The following LPCAT1 variants were observed in gnomAD, a reference collection of about 807,000 sequenced individuals.
LPCAT1 encodes lysophosphatidylcholine acyltransferase 1.
LPCAT1 carries 23 observed loss-of-function variants against 60.9 expected under a neutral mutation model. The ratio of observed to expected loss-of-function variants is 0.38; its 90% CI spans 0.27 to 0.53. The LOEUF (loss-of-function observed/expected upper bound fraction) is 0.53, where lower values mean the gene tolerates loss of function less well. LPCAT1 is among the 20% of genes least tolerant of loss of function. The pLI, the probability that LPCAT1 is intolerant of heterozygous loss-of-function variation, is 0.82. For synonymous variants in LPCAT1, 340 were observed against 301.1 expected, an observed-to-expected ratio of 1.13 and a Z score of -1.34; for missense variants, 622 against 723.6, an observed-to-expected ratio of 0.86 and a Z score of 1.61.
intron 13 of LPCAT1, 146 bp from the exon 14 acceptor site, chr5:1,463,981 G>T (rs547288850): frequency 2.4e-6 from 2 of 832,518 alleles, no homozygotes; most frequent in African/African-American, 1.7e-5. Flanking sequence ...ATGCTTTCAG[G>T]GTGGAGAGAA....
chr5:1,478,898 C>G (rs977521213), intron 8 of LPCAT1, among the ~76,000 whole-genome samples: 1 of 152,298 alleles, frequency 6.6e-6, no homozygotes, highest in Middle Eastern at 3.4e-3. Context: ...ACTATTTAGC[C>G]CAAGGTCTTG....
chr5:1,481,832 T>G lies in LPCAT1; in HGVS notation c.727-856A>C, dbSNP rs1190297393. Among the ~76,000 whole-genome samples, 2 of 152,222 alleles carry G rather than the reference T, an allele frequency of 1.3e-5. No individual in the cohort carries two copies. Among genetic ancestry groups the G allele is most frequent in the Non-Finnish European group, 2.9e-5 (2 of 68,030 alleles). On this transcript the variant is annotated intron_variant, in intron 6 of 13. Coordinates refer to ENST00000283415, the MANE Select transcript of LPCAT1 (RefSeq NM_024830.5). The surrounding 1 kb of genome is among the most constrained non-coding windows in gnomAD (Gnocchi z 7.8). ...TAAGAAGGAAGAGGTCTTTCAGTCG[T>G]GTGACTACCGGCCCTGACTCCATTT...
chr5:1,500,133 G>A (rs1174191087), intron 2 of LPCAT1, among the ~76,000 whole-genome samples: 1 of 152,258 alleles, frequency 6.6e-6, no homozygotes, highest in Non-Finnish European at 1.5e-5. Flanking sequence ...TCAGGCAGCA[G>A]CCTCCAATTA....
intron 1 of LPCAT1, among the ~76,000 whole-genome samples, chr5:1,519,870 C>T (rs1017420004): frequency 6.6e-6 from 1 of 152,260 alleles, no homozygotes; most frequent in African/African-American, 2.4e-5. Context: ...CCTTCTCCAT[C>T]CTCCCCAAGG....
chr5:1,466,066 G>T (rs999515679), intron 13 of LPCAT1, among the ~76,000 whole-genome samples: 1 of 152,254 alleles, frequency 6.6e-6, no homozygotes, highest in Non-Finnish European at 1.5e-5. Flanking sequence ...TGGGGATTGC[G>T]GCATCCACTG....
intron 2 of LPCAT1, 42 bp from the exon 3 acceptor site, chr5:1,494,956 G>T: frequency 6.6e-7 from 1 of 1,525,706 alleles, no homozygotes; most frequent in Non-Finnish European, 8.9e-7. Flanking sequence ...CACGTCCGCA[G>T]TCTCGGAGTC....
chr5:1,511,992 C>A (rs573861449), intron 1 of LPCAT1, among the ~76,000 whole-genome samples: 7 of 152,292 alleles, frequency 4.6e-5, no homozygotes, highest in African/African-American at 1.7e-4. Flanking sequence ...CCGGTCTCAG[C>A]GGGTGTCTGG....
At chr5:1,469,342 C>T (rs1049915527) in intron 12 of LPCAT1, among the ~76,000 whole-genome samples, 1 of 152,198 alleles carries the variant, frequency 6.6e-6, no homozygotes, top group Non-Finnish European at 1.5e-5. Context: ...GTTACCCTGC[C>T]CACCTGCAGG....
intron 2 of LPCAT1, among the ~76,000 whole-genome samples, chr5:1,499,203 C>T (rs1328177540): frequency 1.3e-5 from 2 of 152,214 alleles, no homozygotes. Context: ...CATGGGGAAA[C>T]GGAAAATTGC....
In LPCAT1 at chr5:1,466,829, G is replaced by A. The variant is rs1264601328; in HGVS notation, c.1340C>T (p.Thr447Met). The change falls in exon 13 of 14, where the codon ACG (threonine) becomes ATG (methionine). Residue 447 changes from threonine to methionine, a missense_variant. Physicochemically the swap from Thr to Met is moderately conservative, Grantham distance 81 (BLOSUM62 -1). This residue lies in a region of LPCAT1 where 288 missense variants were observed against 283.6 expected (regional missense o/e 1.02). Transcript: ENST00000283415. ...GGTGAGCTCTGCCACCCCCAGGGCCGTCTTGAGGATGCAGGACAGGTCACC... is the reference window on the plus strand; with the variant it reads ...GGTGAGCTCTGCCACCCCCAGGGCCATCTTGAGGATGCAGGACAGGTCACC... Reference protein sequence around the residue: ...GEGDLSCILKTALGVAELTVT... With the variant: ...GEGDLSCILKMALGVAELTVT... 1 of 1,613,376 alleles carries A rather than the reference G, an allele frequency of 6.2e-7. No individual in the cohort carries two copies. Among genetic ancestry groups the A allele is most frequent in the Admixed American group, 1.7e-5 (1 of 59,976 alleles).
intron 2 of LPCAT1, among the ~76,000 whole-genome samples, chr5:1,498,731 CAT>C (rs1264570522): frequency 1.3e-5 from 2 of 152,262 alleles, no homozygotes; most frequent in East Asian, 1.9e-4. Flanking sequence ...TCCATCCACA[CAT>C]ATATACATGC....
Position 1,466,159 on chromosome 5 carries a change from G to A in LPCAT1, c.1420+590C>T, listed in dbSNP as rs373444984. ...CATTCACACTGCAGGGGAGGGAGGC[G>A]CCCCGGGCTCGGGTTTGCGGATTTT... On this transcript the variant is annotated intron_variant, in intron 13 of 13. Transcript: ENST00000283415. Among the ~76,000 whole-genome samples the A allele has an allele frequency of 1.6e-3, 243 of 152,374 alleles. 1 individual carries two copies. Among genetic ancestry groups the A allele is most frequent in the African/African-American group, 5.5e-3 (227 of 41,592 alleles).
intron 1 of LPCAT1, among the ~76,000 whole-genome samples, chr5:1,513,828 G>A (rs548722921): frequency 7.6e-5 from 11 of 144,516 alleles, no homozygotes; most frequent in Admixed American, 2.8e-4. Context: ...CGGTGAGGCG[G>A]GACACCCTGC....
intron 1 of LPCAT1, among the ~76,000 whole-genome samples, chr5:1,518,406 T>C (rs1375729599): frequency 1.3e-5 from 2 of 152,190 alleles, no homozygotes; most frequent in Non-Finnish European, 2.9e-5. Flanking sequence ...AGTGGTGCGA[T>C]CTCCGCTCAC....
intron 5 of LPCAT1, among the ~76,000 whole-genome samples, chr5:1,484,739 C>T (rs1437446552): frequency 6.6e-6 from 1 of 152,248 alleles, no homozygotes. Context: ...ACTCAGCTTT[C>T]GTCTCATGCA....
At chr5:1,510,478 C>T (rs149324280) in intron 1 of LPCAT1, among the ~76,000 whole-genome samples, 52 of 152,348 alleles carry the variant, frequency 3.4e-4, no homozygotes, top group African/African-American at 1.2e-3. Flanking sequence ...AAATCGGCCC[C>T]GCAGTCCCAC....
rs1368567259 is a variant in LPCAT1 at position 1,480,513 on chromosome 5, C to A, written c.761+429G>T. 1 of 283,230 alleles carries A rather than the reference C, an allele frequency of 3.5e-6. No homozygotes were observed. The highest frequency in any genetic ancestry group is 6.5e-5 in the Admixed American group (1 of 15,436). The allele number at this position is 283,230 out of a possible 1,614,324, so 17.5% of individuals were successfully genotyped here. On this transcript the variant is annotated intron_variant, in intron 7 of 13. Coordinates refer to ENST00000283415, the MANE Select transcript of LPCAT1 (RefSeq NM_024830.5). The surrounding 1 kb of genome is among the most constrained non-coding windows in gnomAD (Gnocchi z 6.4). ...TGTTCATTGTTGCATAACTGACCTT[C>A]GGTGTCTCTGCTGGGGGGACAGGGA...
In LPCAT1 at chr5:1,464,696, GCA is replaced by G. The variant is rs562349635; in HGVS notation, c.1421-863_1421-862del. Among the ~76,000 whole-genome samples, 43 of 131,996 alleles carry G rather than the reference GCA, an allele frequency of 3.3e-4. 1 individual carries two copies. Among genetic ancestry groups the G allele is most frequent in the Admixed American group, 1.7e-3 (21 of 12,366 alleles). 86.6% of individuals were successfully genotyped at this position (131,996 alleles called of 152,430 possible). ...ACACACGGTAAACAAACACATGCGT[GCA>G]CACACACAAAGAGCACACACGGTAA... On this transcript the variant is annotated intron_variant, in intron 13 of 13. Coordinates refer to ENST00000283415, the MANE Select transcript of LPCAT1 (RefSeq NM_024830.5).
chr5:1,501,387 T>C, intron 2 of LPCAT1, 74 bp downstream of exon 2: 1 of 1,520,590 alleles, frequency 6.6e-7, no homozygotes, highest in Admixed American at 2.0e-5. Context: ...ACAACCCCAC[T>C]GTGAGAATGG....
Sources: gnomAD v4.1 joint callset for allele counts (sites outside exome capture counted in the v4.1 genomes callset) on GRCh38, gnomAD v4.1.1 for gene constraint, gnomAD v4.1.1 regional missense constraint, Gnocchi (gnomAD v3.1) non-coding constraint, MANE v1.5 for transcripts, NCBI Gene and HGNC (gene_info 2026-07-23, HGNC 2026-07-21) for gene names.